The following SLC29A3 variants were observed in gnomAD, a reference collection of about 807,000 sequenced individuals.
SLC29A3 encodes equilibrative nucleoside transporter 3.
Under a neutral mutation model 25.4 loss-of-function variants are expected in SLC29A3, and 18 were observed. That is an observed-to-expected ratio of 0.71 (90% confidence interval 0.49 to 1.05). SLC29A3 has a LOEUF of 1.05. Among genes scored for constraint, SLC29A3 ranks in the 50% least tolerant of loss-of-function variants. SLC29A3 has a pLI of 0.00. For synonymous variants in SLC29A3, 258 were observed against 267.1 expected (o/e 0.97, Z 0.33); for missense variants, 586 against 609.0 (o/e 0.96, Z 0.40).
chr10:71,352,265 C>T (rs1846785270), intron 4 of SLC29A3, among the ~76,000 whole-genome samples: 1 of 152,102 alleles, frequency 6.6e-6, no homozygotes, highest in East Asian at 1.9e-4. Context: ...CAAAAGAAGC[C>T]ACATAGGGTC....
downstream of SLC29A3, among the ~76,000 whole-genome samples, chr10:71,367,670 C>T (rs961022489): frequency 1.3e-5 from 2 of 152,204 alleles, no homozygotes; most frequent in African/African-American, 4.8e-5. Flanking sequence ...CTGGGCTTGA[C>T]CCTGAAGGAG....
chr10:71,323,939 G>A (rs1478643693), intron 2 of SLC29A3, among the ~76,000 whole-genome samples: 1 of 152,208 alleles, frequency 6.6e-6, no homozygotes. Context: ...GGCCTTGAAT[G>A]TCCAGGTGAG....
intron 3 of SLC29A3, among the ~76,000 whole-genome samples, chr10:71,372,103 T>C (rs1847215950): frequency 6.6e-6 from 1 of 152,150 alleles, no homozygotes; most frequent in Admixed American, 6.5e-5. Flanking sequence ...ATGCAAGAGG[T>C]GGCTTTAGGC....
chr10:71,347,975 C>G (rs1325400993), intron 3 of SLC29A3, among the ~76,000 whole-genome samples: 2 of 152,212 alleles, frequency 1.3e-5, no homozygotes, highest in Non-Finnish European at 2.9e-5. Flanking sequence ...CTGGCCGTGT[C>G]TGTGAGGAGG....
chr10:71,360,244 G>T (rs59501127), intron 5 of SLC29A3, among the ~76,000 whole-genome samples: 1 of 148,706 alleles, frequency 6.7e-6, no homozygotes, highest in Non-Finnish European at 1.5e-5. Context: ...CCCGAGTTTA[G>T]GTGATTCTCC....
chr10:71,319,346 G>A (rs763979568), intron 1 of SLC29A3, 36 bp downstream of exon 1: 2 of 631,144 alleles, frequency 3.2e-6, no homozygotes, highest in Non-Finnish European at 5.7e-6. Flanking sequence ...TCCGGCTACG[G>A]TCCCGGCCGC....
At chr10:71,336,435 G>A (rs1846255604) in intron 2 of SLC29A3, among the ~76,000 whole-genome samples, 1 of 152,052 alleles carries the variant, frequency 6.6e-6, no homozygotes, top group Non-Finnish European at 1.5e-5. Flanking sequence ...AGGACGCTGA[G>A]GACCCTTAGA....
chr10:71,366,972 G>A (rs1316346140), downstream of SLC29A3, among the ~76,000 whole-genome samples: 1 of 152,184 alleles, frequency 6.6e-6, no homozygotes, highest in East Asian at 1.9e-4. Context: ...CTGGTTCCCG[G>A]TCTAGCTTTG....
intron 2 of SLC29A3, among the ~76,000 whole-genome samples, chr10:71,335,300 C>T (rs553445745): frequency 4.4e-4 from 67 of 152,310 alleles, no homozygotes; most frequent in Non-Finnish European, 8.8e-5. Context: ...ACCCGCGAAT[C>T]GGCCCTCAGC....
intron 2 of SLC29A3, among the ~76,000 whole-genome samples, chr10:71,336,311 C>T (rs1195213703): frequency 2.0e-5 from 3 of 152,118 alleles, no homozygotes; most frequent in African/African-American, 4.8e-5. Flanking sequence ...TCCTGAGGTT[C>T]TGGGTAGACA....
intron 3 of SLC29A3, among the ~76,000 whole-genome samples, chr10:71,372,087 C>G (rs930259230): frequency 6.6e-6 from 1 of 152,170 alleles, no homozygotes; most frequent in African/African-American, 2.4e-5. Flanking sequence ...AGTCATCGGT[C>G]ACAGGATGCA....
intron 3 of SLC29A3, among the ~76,000 whole-genome samples, chr10:71,372,102 G>A (rs1461447140): frequency 6.6e-6 from 1 of 152,180 alleles, no homozygotes; most frequent in East Asian, 1.9e-4. Flanking sequence ...GATGCAAGAG[G>A]TGGCTTTAGG....
downstream of SLC29A3, chr10:71,364,798 C>T (rs1847153748): frequency 6.6e-6 from 1 of 152,236 alleles, no homozygotes; most frequent in Non-Finnish European, 1.5e-5. Flanking sequence ...TCGATACCTA[C>T]CAAAAAGAAA....
At chr10:71,334,735 C>T (rs368740022) in intron 2 of SLC29A3, among the ~76,000 whole-genome samples, 2 of 152,180 alleles carry the variant, frequency 1.3e-5, no homozygotes, top group Admixed American at 6.5e-5. Context: ...CCTGCACACC[C>T]GGACCTGCCT....
chr10:71,371,644 T>C (rs941147428), intron 3 of SLC29A3, among the ~76,000 whole-genome samples: 1 of 152,196 alleles, frequency 6.6e-6, no homozygotes, highest in Non-Finnish European at 1.5e-5. Flanking sequence ...GACTGCCTGA[T>C]TTTGAACCCC....
intron 2 of SLC29A3, among the ~76,000 whole-genome samples, chr10:71,333,813 A>G (rs987364513): frequency 7.9e-5 from 12 of 152,214 alleles, no homozygotes; most frequent in African/African-American, 2.9e-4. Context: ...GCTCATCCTC[A>G]GGGAGCTTGG....
intron 5 of SLC29A3, among the ~76,000 whole-genome samples, chr10:71,361,164 C>T (rs1315330186): frequency 1.3e-5 from 2 of 151,982 alleles, no homozygotes; most frequent in Non-Finnish European, 2.9e-5. Context: ...TTTGTTGAGA[C>T]AGGGTCTCGC....
chr10:71,359,510 T>G (rs1331483810), intron 5 of SLC29A3, among the ~76,000 whole-genome samples: 1 of 152,164 alleles, frequency 6.6e-6, no homozygotes. Context: ...AATATTCCTT[T>G]CCGTAGATAG....
At chr10:71,344,800 C>G (rs1846521114) in intron 3 of SLC29A3, among the ~76,000 whole-genome samples, 2 of 152,202 alleles carry the variant, frequency 1.3e-5, no homozygotes, top group Non-Finnish European at 2.9e-5. Context: ...TGTCCATAGA[C>G]CCCCGTGGGT....
Sources: gnomAD v4.1 joint callset for allele counts (sites outside exome capture counted in the v4.1 genomes callset) on GRCh38, gnomAD v4.1.1 for gene constraint, MANE v1.5 for transcripts, NCBI Gene and HGNC (gene_info 2026-07-23, HGNC 2026-07-21) for gene names.